The following DOCK6 variants were observed in gnomAD, a reference collection of about 807,000 sequenced individuals.
DOCK6 encodes the protein dedicator of cytokinesis protein 6.
In DOCK6, 167 loss-of-function variants were observed where a neutral mutation model predicts 230.3. The observed-to-expected ratio is 0.73, with a 90% CI of 0.64 to 0.82. The LOEUF (loss-of-function observed/expected upper bound fraction) is 0.82, where lower values mean the gene tolerates loss of function less well. Among genes scored for constraint, DOCK6 ranks in the 40% least tolerant of loss-of-function variants. The pLI is 0.00. For synonymous variants in DOCK6, 1,148 were observed against 1,185.0 expected, an observed-to-expected ratio of 0.97 and a Z score of 0.64; for missense variants, 2,598 against 2,825.8, an observed-to-expected ratio of 0.92 and a Z score of 1.83.
At chr19:11,225,854 G>A (rs1440562183) in intron 24 of DOCK6, among the ~76,000 whole-genome samples, 2 of 131,490 alleles carry the variant, frequency 1.5e-5, no homozygotes, top group Non-Finnish European at 3.1e-5. Flanking sequence ...AACATAGTGA[G>A]ACCCTGACTC....
chr19:11,241,710 A>G, intron 14 of DOCK6: 2 of 1,577,458 alleles, frequency 1.3e-6, no homozygotes, highest in Non-Finnish European at 1.7e-6. Context: ...GGAACTGAGG[A>G]CCAATCATGC....
rs757483166 is a variant in DOCK6 at position 11,243,412 on chromosome 19, AGGG to A, written c.1259-30_1259-28del. 35 of 1,595,022 alleles carry A rather than the reference AGGG, an allele frequency of 2.2e-5. No homozygotes were observed. In the South Asian group the frequency reaches 3.6e-4, roughly 16 times the overall value. On this transcript the variant is annotated intron_variant, in intron 11 of 47. Coordinates refer to ENST00000294618, the MANE Select transcript of DOCK6 (RefSeq NM_020812.4). This position sits in a 1 kb window ranked among gnomAD's most constrained non-coding sequence, Gnocchi z 6.3. ...TAGGGGAGGGAATGACAATGACAAA[AGGG>A]GGACCAAGATGAAACAGGGAGACTC...
At chr19:11,223,585 C>T (rs540346519) in intron 24 of DOCK6, among the ~76,000 whole-genome samples, 94 of 152,206 alleles carry the variant, frequency 6.2e-4, no homozygotes, top group Non-Finnish European at 1.0e-3. Context: ...TGTGTTGAAG[C>T]GAATTAGCCT....
chr19:11,214,415 G>A lies in DOCK6; in HGVS notation c.4204-6C>T, dbSNP rs374412034. 2.3e-4 allele frequency: 377 copies of A among 1,613,620 alleles called. No homozygotes were observed. Among genetic ancestry groups the A allele is most frequent in the Non-Finnish European group, 3.0e-4 (351 of 1,179,890 alleles). ...GCTTCTGAAAGCATCACCGTCTGGAGGGAAGGGGGTCAGAAATCCAGGTGT... is the reference window on the plus strand; with the variant it reads ...GCTTCTGAAAGCATCACCGTCTGGAAGGAAGGGGGTCAGAAATCCAGGTGT... On this transcript the variant is annotated splice_region_variant and splice_polypyrimidine_tract_variant and intron_variant, in intron 33 of 47. Transcript: ENST00000294618.
At chr19:11,209,711 T>C (rs1209914263) in intron 37 of DOCK6, among the ~76,000 whole-genome samples, 2 of 34,494 alleles carry the variant, frequency 5.8e-5, no homozygotes, top group African/African-American at 8.1e-5. Flanking sequence ...CACCTGTCCA[T>C]CCCTTCACCT....
chr19:11,223,155 A>T, intron 24 of DOCK6, 49 bp from the exon 25 acceptor site: 2 of 1,547,454 alleles, frequency 1.3e-6, no homozygotes, highest in Non-Finnish European at 1.8e-6. Flanking sequence ...CTCAGCCCCG[A>T]CAGGGGCTTG....
chr19:11,232,287 G>A (rs1311307798), intron 22 of DOCK6: 1 of 1,289,564 alleles, frequency 7.8e-7, no homozygotes, highest in South Asian at 1.2e-5. Flanking sequence ...AGCGATCGAT[G>A]CCCTGGAGAT....
At chr19:11,219,321 T>C (rs1304774027) in intron 28 of DOCK6, among the ~76,000 whole-genome samples, 1 of 150,818 alleles carries the variant, frequency 6.6e-6, no homozygotes, top group Non-Finnish European at 1.5e-5. Context: ...GTAGCTGGGA[T>C]TACAGGCATG....
At position 11,246,419 on chromosome 19, in the gene DOCK6, T is replaced by C. The variant is rs529669850; in HGVS notation, c.807-541A>G. Among the ~76,000 whole-genome samples, 70 of 152,174 alleles carry C rather than the reference T, an allele frequency of 4.6e-4. 1 individual carries two copies. The highest frequency in any genetic ancestry group is 1.6e-3 in the African/African-American group (66 of 41,502). The stretch of plus-strand genomic sequence containing the variant: ...TCACGTCCCCGGCTTGCTGTGAATT[T>C]TTTATTTTATTTTTTTAGACAGAGT... On this transcript the variant is annotated intron_variant, in intron 7 of 47. Transcript: ENST00000294618.
Position 11,202,255 on chromosome 19 carries a change from CCT to C in DOCK6, c.5452-132_5452-131del, listed in dbSNP as rs1280239274. The C allele has an allele frequency of 8.7e-6, 12 of 1,379,232 alleles. No individual in the cohort carries two copies. Among genetic ancestry groups the C allele is most frequent in the Non-Finnish European group, 1.2e-5 (12 of 998,194 alleles). The allele number at this position is 1,379,232 out of a possible 1,614,324, so 85.4% of individuals were successfully genotyped here. On this transcript the variant is annotated intron_variant, in intron 43 of 47. Coordinates refer to ENST00000294618, the MANE Select transcript of DOCK6 (RefSeq NM_020812.4). The surrounding 1 kb of genome is among the most constrained non-coding windows in gnomAD (Gnocchi z 5.3). ...CCTATGTCTGGATGTTTGGGAATCCCCTGAGGAATAGGTTTTGGGGTCCCTCA... is the reference window on the plus strand; with the variant it reads ...CCTATGTCTGGATGTTTGGGAATCCCGAGGAATAGGTTTTGGGGTCCCTCA...
chr19:11,242,847 A>AACC (rs963280420), intron 13 of DOCK6, among the ~76,000 whole-genome samples: 1 of 152,090 alleles, frequency 6.6e-6, no homozygotes, highest in African/African-American at 2.4e-5. Context: ...CGCTGCCATT[A>AACC]ACCACCTATT....
At chr19:11,234,319 C>T (rs1667669956) in intron 21 of DOCK6, among the ~76,000 whole-genome samples, 1 of 150,614 alleles carries the variant, frequency 6.6e-6, no homozygotes, top group Admixed American at 6.6e-5. Context: ...TTGAGACAGG[C>T]TGGTCTCAAA....
At chr19:11,203,857 C>T (rs2079212071) in intron 41 of DOCK6, 1 of 619,768 alleles carries the variant, frequency 1.6e-6, no homozygotes, top group African/African-American at 1.9e-5. Flanking sequence ...CTGGAGAGCT[C>T]CCAGCTGGGT....
chr19:11,242,314 A>T (rs1314955583), intron 13 of DOCK6, 107 bp from the exon 14 acceptor site: 7 of 1,171,482 alleles, frequency 6.0e-6, no homozygotes, highest in Non-Finnish European at 7.7e-6. Context: ...TTCTCTGGGG[A>T]CTGGGGGCTG....
intron 14 of DOCK6, chr19:11,239,722 C>G: frequency 6.2e-7 from 1 of 1,613,548 alleles, no homozygotes; most frequent in Non-Finnish European, 8.5e-7. Flanking sequence ...CGGCCCAGAA[C>G]TGGCACAGCA....
At position 11,243,296 on chromosome 19, in the gene DOCK6, G is replaced by A. The variant is rs1162772773; in HGVS notation, c.1348C>T (p.Arg450Cys). Residue 450 changes from arginine to cysteine, a missense_variant, in exon 12 of 48, where the codon CGT (arginine) becomes TGT (cysteine). Transcript: ENST00000294618. The surrounding 1 kb of genome is among the most constrained non-coding windows in gnomAD (Gnocchi z 6.3). ...GDDACSFSGF[R>C]PATLTVTNFF... ...TTTGTGACAGTTAGCGTGGCTGGACGGAAGCCAGAGAAGCTGCAGGCGTCG... is the reference window on the plus strand; with the variant it reads ...TTTGTGACAGTTAGCGTGGCTGGACAGAAGCCAGAGAAGCTGCAGGCGTCG... 3 of 1,604,828 alleles carry A rather than the reference G, an allele frequency of 1.9e-6. No individual in the cohort carries two copies. The highest frequency in any genetic ancestry group is 2.2e-5 in the South Asian group (2 of 89,516).
rs370687038 is a variant in DOCK6 at position 11,253,724 on chromosome 19, G to A, written c.47C>T (p.Thr16Met). The part of the protein sequence containing the change: ...RRAFAHKINR[T>M]VAAEVRKQVS... ...CTGCTTCCGCACCTCTGCGGCCACC[G>A]TCCTGGAAAGATAGGGAGGGGGCCA... Residue 16 changes from threonine to methionine, a missense_variant and splice_region_variant, in exon 2 of 48, where the codon ACG becomes ATG. Thr to Met is a moderately conservative substitution (Grantham distance 81). Transcript: ENST00000294618. 2.6e-5 allele frequency: 38 copies of A among 1,476,428 alleles called. No individual in the cohort carries two copies. The highest frequency in any genetic ancestry group is 1.7e-4 in the Middle Eastern group (1 of 5,738). 91.5% of individuals were successfully genotyped at this position (1,476,428 alleles called of 1,614,324 possible). A position where few individuals can be genotyped will look rare whatever the true frequency, so the allele number is the denominator to read the frequency against.
At chr19:11,248,300 C>T in intron 6 of DOCK6, 149 bp from the exon 7 acceptor site, 1 of 611,970 alleles carries the variant, frequency 1.6e-6, no homozygotes, top group South Asian at 2.1e-5. Context: ...GTGCTGTTCC[C>T]CTGCCTGGAA....
At chr19:11,257,575 G>A (rs1368305430) in intron 1 of DOCK6, among the ~76,000 whole-genome samples, 2 of 151,492 alleles carry the variant, frequency 1.3e-5, no homozygotes, top group African/African-American at 2.4e-5. Context: ...GATCATCTGA[G>A]GTCAGGTGTT....
Sources: allele counts gnomAD v4.1 joint callset (sites outside exome capture counted in the v4.1 genomes callset), GRCh38; gene constraint gnomAD v4.1.1; non-coding constraint Gnocchi (gnomAD v3.1); transcripts MANE v1.5; gene names NCBI Gene and HGNC (gene_info 2026-07-23, HGNC 2026-07-21).